CSMD2: variants seen among roughly 807,000 people sequenced by gnomAD.
CSMD2 encodes CUB and Sushi multiple domains 2.
In CSMD2, 130 loss-of-function variants were observed where a neutral mutation model predicts 398.5. The ratio of observed to expected loss-of-function variants is 0.33; its 90% CI spans 0.28 to 0.38. The LOEUF is 0.38. Among genes scored for constraint, CSMD2 ranks in the 10% least tolerant of loss-of-function variants. The pLI, the probability that CSMD2 is intolerant of heterozygous loss-of-function variation, is 1.00. For synonymous variants in CSMD2, 1,828 were observed against 1,908.5 expected, an observed-to-expected ratio of 0.96 and a Z score of 1.10; for missense variants, 3,829 against 4,764.9, an observed-to-expected ratio of 0.80 and a Z score of 5.78.
intron 1 of CSMD2, among the ~76,000 whole-genome samples, chr1:34,122,618 G>A (rs1662309479): frequency 6.6e-6 from 1 of 152,086 alleles, no homozygotes; most frequent in African/African-American, 2.4e-5. Flanking sequence ...CCTCTCTGGT[G>A]TTACTTTATC....
chr1:33,580,615 G>T, intron 48 of CSMD2, 138 bp downstream of exon 48: 1 of 776,428 alleles, frequency 1.3e-6, no homozygotes, highest in South Asian at 1.9e-5. Flanking sequence ...AGAAAAATAG[G>T]AGGTAGGGGA....
chr1:33,884,652 A>T (rs1178928984), intron 5 of CSMD2: 3 of 152,240 alleles, frequency 2.0e-5, no homozygotes, highest in Non-Finnish European at 4.4e-5. Flanking sequence ...CCTGTACTCC[A>T]GCAGCAGCCA....
intron 13 of CSMD2, among the ~76,000 whole-genome samples, chr1:33,760,225 AC>A (rs1211980839): frequency 6.6e-6 from 1 of 152,116 alleles, no homozygotes; most frequent in Admixed American, 6.5e-5. Flanking sequence ...CCAGGTGCTT[AC>A]CCCGGCCTTT....
Position 33,519,417 on chromosome 1 carries a change from CCT to C in CSMD2, c.*53+46_*53+47del, listed in dbSNP as rs1306854992. The C allele has an allele frequency of 9.8e-6, 12 of 1,223,898 alleles. No individual in the cohort carries two copies. The highest frequency in any genetic ancestry group is 7.4e-5 in the Admixed American group (4 of 53,938). The allele number at this position is 1,223,898 out of a possible 1,614,324, so 75.8% of individuals were successfully genotyped here. ...GTGGAGCCCCTGGCACGCATAGGTC[CCT>C]GTCTGTGCTTGTCATGGCCTGTCTT... On this transcript the variant is annotated intron_variant, in intron 70 of 70. Transcript: ENST00000373381. This position sits in a 1 kb window ranked among gnomAD's most constrained non-coding sequence, Gnocchi z 5.6.
At chr1:33,964,917 C>T (rs528656403) in intron 3 of CSMD2, among the ~76,000 whole-genome samples, 1 of 152,346 alleles carries the variant, frequency 6.6e-6, no homozygotes, top group Admixed American at 6.5e-5. Flanking sequence ...CATAACACCT[C>T]TCTAGCAAGA....
chr1:34,091,019 C>A (rs917014660), intron 1 of CSMD2, among the ~76,000 whole-genome samples: 1 of 152,198 alleles, frequency 6.6e-6, no homozygotes, highest in Non-Finnish European at 1.5e-5. Context: ...ACACTCTTAG[C>A]ATACCCATCT....
intron 3 of CSMD2, among the ~76,000 whole-genome samples, chr1:33,970,640 C>T (rs1645728200): frequency 6.6e-6 from 1 of 152,238 alleles, no homozygotes; most frequent in Non-Finnish European, 1.5e-5. Context: ...ATGGCTTCCT[C>T]TGAGGCTCAT....
intron 1 of CSMD2, among the ~76,000 whole-genome samples, chr1:34,158,575 C>G (rs1050904518): frequency 6.6e-5 from 10 of 152,208 alleles, no homozygotes; most frequent in Admixed American, 3.3e-4. Context: ...AGACTCCCCC[C>G]ACTGGGTATA....
At chr1:34,078,113 C>T (rs191575452) in intron 2 of CSMD2, among the ~76,000 whole-genome samples, 81 of 152,012 alleles carry the variant, frequency 5.3e-4, no homozygotes, top group African/African-American at 1.9e-3. Context: ...GCTGGGACTA[C>T]AGGTGGATGC....
At chr1:33,755,413 G>C (rs2149284283) in intron 13 of CSMD2, among the ~76,000 whole-genome samples, 1 of 152,338 alleles carries the variant, frequency 6.6e-6, no homozygotes, top group Admixed American at 6.5e-5. Context: ...GGCAAAGCTA[G>C]TTACTGGGCA....
In CSMD2 at chr1:34,164,563, C is replaced by G. The variant is rs1331440537; in HGVS notation, c.187+348G>C. On this transcript the variant is annotated intron_variant, in intron 1 of 70. Transcript: ENST00000373381. The surrounding 1 kb of genome is among the most constrained non-coding windows in gnomAD (Gnocchi z 6.2). ...CCCGGAAAGTTTATCGGGAAAAAGC[C>G]TAGCACCGTGGGGGCTGGGAGGCTG... Among the ~76,000 whole-genome samples the G allele has an allele frequency of 2.6e-5, 4 of 152,168 alleles. No individual in the cohort carries two copies. The highest frequency in any genetic ancestry group is 4.4e-5 in the Non-Finnish European group (3 of 67,998).
chr1:34,029,164 G>A (rs1447518969), intron 3 of CSMD2, among the ~76,000 whole-genome samples: 1 of 152,162 alleles, frequency 6.6e-6, no homozygotes, highest in Non-Finnish European at 1.5e-5. Context: ...AGCCTAGGCT[G>A]GAAGTGGGGG....
At chr1:33,748,898 C>T (rs6665517) in intron 13 of CSMD2, among the ~76,000 whole-genome samples, 45,581 of 151,894 alleles carry the variant, frequency 0.3, 8,428 homozygotes, top group African/African-American at 0.53. Flanking sequence ...TTACATTAGG[C>T]TATAAGAAAA....
At position 33,913,014 on chromosome 1, in the gene CSMD2, G is replaced by A. The variant is rs1643540362; in HGVS notation, c.920+5080C>T. Among the ~76,000 whole-genome samples, 3 of 151,952 alleles carry A rather than the reference G, an allele frequency of 2.0e-5. No homozygotes were observed. The South Asian group carries it at 6.2e-4, about 31-fold the overall frequency. On this transcript the variant is annotated intron_variant, in intron 5 of 70. Transcript: ENST00000373381. ...TTTTTGTAGAGACAGGTGTCTCCAT[G>A]TTGCCCAGGCTCATCTTGAACTCCT...
chr1:34,006,450 G>A lies in CSMD2; in HGVS notation c.517+26144C>T, dbSNP rs115128647. Among the ~76,000 whole-genome samples, 1,414 of 152,010 alleles carry A rather than the reference G, an allele frequency of 9.3e-3. 19 individuals are homozygous for A. Among genetic ancestry groups the A allele is most frequent in the African/African-American group, 0.033 (1,351 of 41,460 alleles). On this transcript the variant is annotated intron_variant, in intron 3 of 70. Coordinates refer to ENST00000373381, the MANE Select transcript of CSMD2 (RefSeq NM_001281956.2). The stretch of plus-strand genomic sequence containing the variant: ...CTCATTACCTGACCCTCTCACCACC[G>A]TTCACCTCCACACTGTTTCCAGAGG...
chr1:33,669,214 T>C (rs766348449), intron 25 of CSMD2, among the ~76,000 whole-genome samples: 2 of 152,242 alleles, frequency 1.3e-5, no homozygotes, highest in Non-Finnish European at 2.9e-5. Context: ...CTTTTTCTTT[T>C]AATTTGAAGA....
At chr1:33,887,002 C>T (rs1334661768) in intron 5 of CSMD2, among the ~76,000 whole-genome samples, 3 of 151,532 alleles carry the variant, frequency 2.0e-5, no homozygotes, top group African/African-American at 7.3e-5. Context: ...TATTTAAATA[C>T]GACCATTTTT....
At chr1:33,829,373 C>G (rs946159512) in intron 6 of CSMD2, among the ~76,000 whole-genome samples, 4 of 152,178 alleles carry the variant, frequency 2.6e-5, no homozygotes, top group Non-Finnish European at 4.4e-5. Context: ...CTTTTATTTA[C>G]AGTCTCTTCA....
chr1:33,772,824 T>C, intron 12 of CSMD2, 73 bp from the exon 13 acceptor site: 1 of 1,283,528 alleles, frequency 7.8e-7, no homozygotes, highest in Non-Finnish European at 1.1e-6. Context: ...AAGGTCCACA[T>C]GACAAGCTCT....
Sources: allele counts gnomAD v4.1 joint callset (sites outside exome capture counted in the v4.1 genomes callset), GRCh38; gene constraint gnomAD v4.1.1; non-coding constraint Gnocchi (gnomAD v3.1); transcripts MANE v1.5; gene names NCBI Gene and HGNC (gene_info 2026-07-23, HGNC 2026-07-21).